Variants in TNIK observed in about 807,000 individuals in gnomAD.
TNIK encodes TRAF2 and NCK-interacting protein kinase.
TNIK carries 49 observed loss-of-function variants against 191.3 expected under a neutral mutation model. That is an observed-to-expected ratio of 0.26 (90% CI 0.20 to 0.32). The LOEUF (loss-of-function observed/expected upper bound fraction) is 0.32. Ranked by LOEUF, TNIK falls within the 10% of genes least tolerant of loss-of-function variation. The pLI is 1.00. For missense variants in TNIK, 1,155 were observed against 1,702.3 expected (o/e 0.68, Z 5.66); for synonymous variants, 594 against 600.9 (o/e 0.99, Z 0.17).
At chr3:171,158,667 CTAGA>C (rs1447767736) in intron 11 of TNIK, among the ~76,000 whole-genome samples, 1 of 152,232 alleles carries the variant, frequency 6.6e-6, no homozygotes, top group East Asian at 1.9e-4. Flanking sequence ...ACGGCAGTTG[CTAGA>C]TAAATTCTCC....
intron 2 of TNIK, among the ~76,000 whole-genome samples, chr3:171,245,399 A>G (rs1745477125): frequency 1.3e-5 from 2 of 152,212 alleles, no homozygotes; most frequent in South Asian, 4.1e-4. Flanking sequence ...ACATACAAAT[A>G]CATGAATGTC....
rs372553452 is a variant in TNIK at position 171,110,863 on chromosome 3, C to T, written c.2135G>A (p.Arg712Gln). The T allele has an allele frequency of 4.5e-5, 72 of 1,602,828 alleles. No individual in the cohort carries two copies. Among genetic ancestry groups the T allele is most frequent in the Non-Finnish European group, 5.4e-5 (64 of 1,175,498 alleles). ...GCTCTCCAAGATGGGCTCAGTTCTC[C>T]GGAGATCAGGGTTGCTGTGTGAGTG... is the stretch of plus-strand genomic sequence containing the variant. ...QPIRASNPDL[R>Q]RTEPILESPL... Residue 712 changes from arginine to glutamine, a missense_variant, in exon 19 of 33, where the codon CGG (arginine) becomes CAG (glutamine). Coordinates refer to ENST00000436636, the MANE Select transcript of TNIK (RefSeq NM_015028.4).
rs373152890 is a variant in TNIK, at chr3:171,112,084, CTA to C, written c.2121-1209_2121-1208del. Among the ~76,000 whole-genome samples, 182 of 152,240 alleles carry C rather than the reference CTA, an allele frequency of 1.2e-3. 1 individual carries two copies. In the South Asian group the frequency reaches 0.02, roughly 17 times the overall value. On this transcript the variant is annotated intron_variant, in intron 18 of 32. Coordinates refer to ENST00000436636, the MANE Select transcript of TNIK (RefSeq NM_015028.4). The stretch of plus-strand genomic sequence containing the variant: ...AAATGTCATCAGAAAAAAATGATAA[CTA>C]TGTGAGGTGATGGATATATTGATTA...
At position 171,229,347 on chromosome 3, in the gene TNIK, C is replaced by T. The variant is rs991135955; in HGVS notation, c.124-1126G>A. Among the ~76,000 whole-genome samples, 10 of 152,238 alleles carry T rather than the reference C, an allele frequency of 6.6e-5. No homozygotes were observed. In the East Asian group the frequency reaches 1.9e-3, roughly 29 times the overall value. On this transcript the variant is annotated intron_variant, in intron 2 of 32. Coordinates refer to ENST00000436636, the MANE Select transcript of TNIK (RefSeq NM_015028.4). Reference sequence around the variant, plus strand: ...ATGTCTCATCGATGTATTTCCAGTACCTGGAATAGTAAGGGCCTCCCCCAT... The same window carrying T: ...ATGTCTCATCGATGTATTTCCAGTATCTGGAATAGTAAGGGCCTCCCCCAT...
chr3:171,101,380 A>T (rs1020949202), intron 22 of TNIK, 69 bp downstream of exon 22: 8 of 1,501,620 alleles, frequency 5.3e-6, no homozygotes, highest in African/African-American at 1.4e-5. Flanking sequence ...TTTAACTCAT[A>T]TTTTTTTGTC....
chr3:171,305,525 C>T (rs541665663), intron 2 of TNIK, among the ~76,000 whole-genome samples: 1 of 152,174 alleles, frequency 6.6e-6, no homozygotes, highest in Admixed American at 6.5e-5. Context: ...AAGCAAAACA[C>T]AAACAATCCC....
At chr3:171,121,741 T>A (rs181531248) in intron 18 of TNIK, among the ~76,000 whole-genome samples, 10 of 152,180 alleles carry the variant, frequency 6.6e-5, no homozygotes, top group African/African-American at 2.4e-4. Flanking sequence ...ATAAAACAAA[T>A]CTTGAAGCTT....
intron 1 of TNIK, among the ~76,000 whole-genome samples, chr3:171,370,675 G>C (rs750558760): frequency 1.1e-4 from 17 of 152,196 alleles, no homozygotes; most frequent in Non-Finnish European, 2.5e-4. Context: ...GCCTCCTTGA[G>C]GGAGGTAGGG....
rs1733947205 is a variant in TNIK, at chr3:171,161,252, T to C, written c.1016+18A>G. On this transcript the variant is annotated intron_variant, in intron 11 of 32. Coordinates refer to ENST00000436636, the MANE Select transcript of TNIK (RefSeq NM_015028.4). Reference sequence around the variant, plus strand: ...TTCAGAATGTGAACATTAGAAGACTTGGCTTTTGCTCTCATACCTGGGCTC... The same window carrying C: ...TTCAGAATGTGAACATTAGAAGACTCGGCTTTTGCTCTCATACCTGGGCTC... 1.2e-6 allele frequency: 2 copies of C among 1,609,944 alleles called. No homozygotes were observed. The highest frequency in any genetic ancestry group is 2.7e-5 in the African/African-American group (2 of 74,810).
chr3:171,138,558 G>A (rs1229874793), intron 14 of TNIK, among the ~76,000 whole-genome samples, 179 bp from the exon 15 acceptor site: 2 of 151,800 alleles, frequency 1.3e-5, no homozygotes, highest in Non-Finnish European at 2.9e-5. Flanking sequence ...ACTGCCTTGT[G>A]TTAGTATCTA....
At chr3:171,400,090 G>A (rs1031725542) in intron 1 of TNIK, among the ~76,000 whole-genome samples, 1 of 152,164 alleles carries the variant, frequency 6.6e-6, no homozygotes, top group Non-Finnish European at 1.5e-5. Flanking sequence ...CCTAGACTCA[G>A]AGTGGACCCG....
At chr3:171,237,389 G>A (rs577587568) in intron 2 of TNIK, among the ~76,000 whole-genome samples, 2 of 152,068 alleles carry the variant, frequency 1.3e-5, no homozygotes, top group African/African-American at 2.4e-5. Flanking sequence ...CTGAATCCCC[G>A]CTCTGTTACT....
At chr3:171,229,392 T>C (rs1743342554) in intron 2 of TNIK, among the ~76,000 whole-genome samples, 1 of 152,226 alleles carries the variant, frequency 6.6e-6, no homozygotes, top group Non-Finnish European at 1.5e-5. Flanking sequence ...GGCATGTTTA[T>C]GAATTAACAA....
chr3:171,295,027 G>GA (rs10665560), intron 2 of TNIK, among the ~76,000 whole-genome samples: 7 of 149,064 alleles, frequency 4.7e-5, no homozygotes, highest in Admixed American at 2.7e-4. Context: ...GAGAGAGAGA[G>GA]GAAAAAAAAA....
chr3:171,388,452 T>C (rs755097836), intron 1 of TNIK, among the ~76,000 whole-genome samples: 7 of 152,242 alleles, frequency 4.6e-5, no homozygotes, highest in Non-Finnish European at 7.3e-5. Context: ...CACTGGTCAT[T>C]GTAGAAATCA....
chr3:171,217,273 T>C (rs1363663364), intron 3 of TNIK, among the ~76,000 whole-genome samples: 1 of 152,162 alleles, frequency 6.6e-6, no homozygotes, highest in Non-Finnish European at 1.5e-5. Flanking sequence ...TAGAGGCTAT[T>C]ATCCTAAAGA....
At chr3:171,128,228 G>T (rs757169039) in intron 16 of TNIK, among the ~76,000 whole-genome samples, 22 of 152,180 alleles carry the variant, frequency 1.4e-4, no homozygotes, top group Non-Finnish European at 2.6e-4. Context: ...CCTGGGTGAT[G>T]GTTGATGCTG....
At position 171,253,141 on chromosome 3, in the gene TNIK, G is replaced by A. The variant is rs556904522; in HGVS notation, c.124-24920C>T. On this transcript the variant is annotated intron_variant, in intron 2 of 32. Coordinates refer to ENST00000436636, the MANE Select transcript of TNIK (RefSeq NM_015028.4). ...GGTACCAAAAAAAAAAAAATTAGCC[G>A]GGCGTGGTGGCAGGTGCCTATAGTC... 2.6e-3 allele frequency among the ~76,000 whole-genome samples: 399 copies of A among 151,278 alleles called. 2 individuals carry two copies. Among genetic ancestry groups the A allele is most frequent in the African/African-American group, 4.5e-3 (187 of 41,286 alleles).
At position 171,075,767 on chromosome 3, in the gene TNIK, C is replaced by T. The variant is rs546965323; in HGVS notation, c.3448+3751G>A. Among the ~76,000 whole-genome samples the T allele has an allele frequency of 9.4e-5, 14 of 148,456 alleles. No homozygotes were observed. The East Asian group carries it at 1.6e-3, about 17-fold the overall frequency. On this transcript the variant is annotated intron_variant, in intron 28 of 32. Coordinates refer to ENST00000436636, the MANE Select transcript of TNIK (RefSeq NM_015028.4). ...TTTTTTTTTCTTTGAGATGGAGTCT[C>T]GTACTGTTGCCCAGGCTGGAGTGCA...
Sources: gnomAD v4.1 joint callset for allele counts (sites outside exome capture counted in the v4.1 genomes callset) on GRCh38, gnomAD v4.1.1 for gene constraint, MANE v1.5 for transcripts, NCBI Gene and HGNC (gene_info 2026-07-23, HGNC 2026-07-21) for gene names.